RGS9: variants seen among roughly 807,000 people sequenced by gnomAD.
RGS9 encodes regulator of G protein signaling 9.
A neutral mutation model predicts 102.0 loss-of-function variants in RGS9; 78 were observed. That is an observed-to-expected ratio of 0.76 (90% CI 0.64 to 0.92). The LOEUF is 0.92. Among genes scored for constraint, RGS9 ranks in the 40% least tolerant of loss-of-function variants. The pLI is 0.00. For missense variants in RGS9, 833 were observed against 866.1 expected (o/e 0.96, Z 0.48); for synonymous variants, 353 against 318.6 (o/e 1.11, Z -1.15).
chr17:65,203,197 C>T (rs1283223443), intron 14 of RGS9, among the ~76,000 whole-genome samples: 1 of 152,166 alleles, frequency 6.6e-6, no homozygotes, highest in African/African-American at 2.4e-5. Context: ...TCTTCTTATA[C>T]TTAGAGGTTC....
At chr17:65,195,614 T>G (rs1912555482) in intron 12 of RGS9, among the ~76,000 whole-genome samples, 1 of 152,176 alleles carries the variant, frequency 6.6e-6, no homozygotes, top group African/African-American at 2.4e-5. Flanking sequence ...GTGTCATTCA[T>G]AAGCCTTTGC....
chr17:65,150,454 T>C (rs1373382712), intron 1 of RGS9, among the ~76,000 whole-genome samples: 1 of 151,980 alleles, frequency 6.6e-6, no homozygotes, highest in African/African-American at 2.4e-5. Context: ...AAACCCTGTT[T>C]CTACTAAAAA....
rs371676682 is a variant in RGS9 at position 65,193,621 on chromosome 17, C to T, written c.825C>T (p.Thr275=). The T allele has an allele frequency of 1.7e-5, 28 of 1,613,382 alleles. No homozygotes were observed. Among genetic ancestry groups the T allele is most frequent in the Non-Finnish European group, 2.1e-5 (25 of 1,179,488 alleles). ...SGCLPSNPWI[T]DDTQFWDLNA... is the part of the protein sequence containing the mutation. Reference sequence around the variant, plus strand: ...GCCTCCCCAGCAACCCCTGGATCACCGATGACACCCAGTTCTGGGACTTAA... The same window carrying T: ...GCCTCCCCAGCAACCCCTGGATCACTGATGACACCCAGTTCTGGGACTTAA... Residue 275 remains threonine (T), a synonymous_variant, in exon 12 of 19, where the codon ACC becomes ACT. Coordinates refer to ENST00000262406, the MANE Select transcript of RGS9 (RefSeq NM_003835.4).
intron 17 of RGS9, among the ~76,000 whole-genome samples, chr17:65,213,553 A>G (rs1239384109): frequency 6.6e-6 from 1 of 151,356 alleles, no homozygotes; most frequent in Admixed American, 6.6e-5. Flanking sequence ...TGTGGTGGTG[A>G]GGGTGGTGGT....
chr17:65,161,278 G>T (rs1469711966), intron 6 of RGS9, among the ~76,000 whole-genome samples: 2 of 152,168 alleles, frequency 1.3e-5, no homozygotes, highest in Non-Finnish European at 2.9e-5. Flanking sequence ...TTGAGACAAG[G>T]TCTTGCTCTG....
chr17:65,210,639 C>G (rs1913257315), intron 17 of RGS9, 34 bp downstream of exon 17: 1 of 1,611,992 alleles, frequency 6.2e-7, no homozygotes, highest in Non-Finnish European at 8.5e-7. Context: ...GAGCCAACTC[C>G]AAAAAGAGCT....
intron 1 of RGS9, among the ~76,000 whole-genome samples, chr17:65,151,604 TC>T (rs1339760420): frequency 6.6e-6 from 1 of 152,118 alleles, no homozygotes. Context: ...TCCAATCACC[TC>T]CCAGACATTG....
chr17:65,192,166 G>A (rs532733353), intron 11 of RGS9, among the ~76,000 whole-genome samples: 1 of 152,312 alleles, frequency 6.6e-6, no homozygotes, highest in South Asian at 2.1e-4. Flanking sequence ...AGGGTAATTA[G>A]CATATCCATC....
chr17:65,164,682 A>T (rs1911110398), intron 7 of RGS9, among the ~76,000 whole-genome samples: 1 of 152,170 alleles, frequency 6.6e-6, no homozygotes, highest in South Asian at 2.1e-4. Context: ...CAGGGGGGAA[A>T]ATATGTTCTT....
At chr17:65,188,450 T>A (rs1912221401) in intron 9 of RGS9, among the ~76,000 whole-genome samples, 1 of 152,198 alleles carries the variant, frequency 6.6e-6, no homozygotes, top group Admixed American at 6.5e-5. Flanking sequence ...TTATGTGCTT[T>A]ATTTTTGGTA....
chr17:65,198,309 G>A (rs1043490365), intron 13 of RGS9, among the ~76,000 whole-genome samples: 1 of 151,368 alleles, frequency 6.6e-6, no homozygotes, highest in Non-Finnish European at 1.5e-5. Context: ...AGGCTGAAGT[G>A]CAGTGGCATG....
chr17:65,227,566 C>T lies in RGS9; in HGVS notation c.*159C>T, dbSNP rs79050696. On this transcript the variant is annotated 3_prime_UTR_variant, in exon 19 of 19. Coordinates refer to ENST00000262406, the MANE Select transcript of RGS9 (RefSeq NM_003835.4). ...ATGGGGTAGATTGTGGCAAAGAATG[C>T]TCTGGCTGGTTACCAGGGGCCAACT... 3.5e-3 allele frequency: 3,686 copies of T among 1,044,350 alleles called. 96 individuals carry two copies. The African/African-American group carries it at 0.051, about 14-fold the overall frequency. The allele number at this position is 1,044,350 out of a possible 1,614,324, so 64.7% of individuals were successfully genotyped here.
intron 8 of RGS9, among the ~76,000 whole-genome samples, chr17:65,174,256 G>C (rs550709951): frequency 6.6e-6 from 1 of 152,320 alleles, no homozygotes; most frequent in South Asian, 2.1e-4. Flanking sequence ...ACTAGATAAC[G>C]AATTCAAGAC....
chr17:65,158,407 A>G (rs367752953), intron 3 of RGS9, 62 bp downstream of exon 3: 872 of 1,417,548 alleles, frequency 6.2e-4, no homozygotes, highest in Non-Finnish European at 8.3e-4. Context: ...CATGGGAGAA[A>G]CTAAATAGAG....
At position 65,204,223 on chromosome 17, in the gene RGS9, C is replaced by T. The variant is rs375553456; in HGVS notation, c.1125C>T (p.Ile375=). Reference sequence around the variant, plus strand: ...ACATAGATGGCAAAACCATGGACATCACAGTGAAGGGGCTGAAGCACCCCC... The same window carrying T: ...ACATAGATGGCAAAACCATGGACATTACAGTGAAGGGGCTGAAGCACCCCC... The part of the protein sequence containing the change: ...WINIDGKTMD[I]TVKGLKHPHR... The change falls in exon 15 of 19, where the codon ATC becomes ATT. Residue 375 remains isoleucine, a synonymous_variant. Transcript: ENST00000262406. The T allele has an allele frequency of 5.4e-5, 87 of 1,613,310 alleles. No individual in the cohort carries two copies. The highest frequency in any genetic ancestry group is 6.9e-5 in the Non-Finnish European group (81 of 1,180,052).
Position 65,225,222 on chromosome 17 carries a change from G to T in RGS9, c.1628G>T (p.Ser543Ile). ...GGCTTGGAGCAGAAAGGGGAGTGCA[G>T]CGGGTCCATGGCCCCCCGTGGGCCC... The part of the protein sequence containing the change: ...SSGLEQKGEC[S>I]GSMAPRGPSV... The change falls in exon 18 of 19, where the codon AGC (serine) becomes ATC (isoleucine). Residue 543 changes from serine (S) to isoleucine (I), a missense_variant. This residue lies in a region of RGS9 where 320 missense variants were observed against 276.8 expected (regional missense o/e 1.16). Coordinates refer to ENST00000262406, the MANE Select transcript of RGS9 (RefSeq NM_003835.4). 1 of 1,612,166 alleles carries T rather than the reference G, an allele frequency of 6.2e-7. No individual in the cohort carries two copies.
intron 9 of RGS9, among the ~76,000 whole-genome samples, chr17:65,183,067 T>C (rs79558371): frequency 2.5e-3 from 166 of 65,914 alleles, no homozygotes; most frequent in African/African-American, 0.016. Context: ...TTTAAATCTA[T>C]CTATCTATCT....
Position 65,213,864 on chromosome 17 carries a change from A to G in RGS9, c.1407+3259A>G, listed in dbSNP as rs114849499. Among the ~76,000 whole-genome samples the G allele has an allele frequency of 2.3e-3, 354 of 152,340 alleles. 1 individual carries two copies. The highest frequency in any genetic ancestry group is 8.1e-3 in the African/African-American group (338 of 41,570). ...CATTCTTTATTAAATGAATGAGGAC[A>G]TGAGCGTCTCAACACTATCTGTCTA... is the stretch of plus-strand genomic sequence containing the variant. On this transcript the variant is annotated intron_variant, in intron 17 of 18. Transcript: ENST00000262406.
intron 1 of RGS9, among the ~76,000 whole-genome samples, chr17:65,144,538 T>C (rs1910282186): frequency 6.6e-6 from 1 of 152,210 alleles, no homozygotes; most frequent in South Asian, 2.1e-4. Flanking sequence ...GGCCTGGTTG[T>C]GCAGCACTGA....
Sources: gnomAD v4.1 joint callset for allele counts (sites outside exome capture counted in the v4.1 genomes callset) on GRCh38, gnomAD v4.1.1 for gene constraint, gnomAD v4.1.1 regional missense constraint, MANE v1.5 for transcripts, NCBI Gene and HGNC (gene_info 2026-07-23, HGNC 2026-07-21) for gene names.